NEGR1: variants seen among roughly 807,000 people sequenced by gnomAD.
NEGR1 encodes neuronal growth regulator 1, also known as IgLON family member 4.
NEGR1 carries 10 observed loss-of-function variants against 40.9 expected under a neutral mutation model. The ratio of observed to expected loss-of-function variants is 0.24; its 90% CI spans 0.15 to 0.42. The LOEUF (loss-of-function observed/expected upper bound fraction) is 0.42, where lower values mean the gene tolerates loss of function less well. NEGR1 is among the 10% of genes least tolerant of loss of function. The pLI is 1.00. For synonymous variants in NEGR1, 185 were observed against 166.8 expected, an observed-to-expected ratio of 1.11 and a Z score of -0.84; for missense variants, 352 against 438.9, an observed-to-expected ratio of 0.80 and a Z score of 1.77.
intron 4 of NEGR1, among the ~76,000 whole-genome samples, chr1:71,680,651 C>T (rs1044665295): frequency 1.3e-5 from 2 of 151,964 alleles, no homozygotes; most frequent in Non-Finnish European, 2.9e-5. Context: ...ACCATTTTTC[C>T]TAATGATATA....
intron 2 of NEGR1, among the ~76,000 whole-genome samples, chr1:71,819,872 C>T (rs11209850): frequency 0.033 from 5,064 of 151,972 alleles, 118 homozygotes; most frequent in South Asian, 0.063. Context: ...GTATGCTCCA[C>T]ACGGAAGCCA....
intron 1 of NEGR1, among the ~76,000 whole-genome samples, chr1:72,225,352 T>A (rs1409244335): frequency 6.6e-6 from 1 of 152,132 alleles, no homozygotes; most frequent in South Asian, 2.1e-4. Flanking sequence ...ATATCTTTTA[T>A]AATAAAGTTA....
intron 1 of NEGR1, among the ~76,000 whole-genome samples, chr1:72,072,361 T>C (rs1204812381): frequency 1.3e-5 from 2 of 152,078 alleles, no homozygotes; most frequent in Admixed American, 6.6e-5. Flanking sequence ...CACAGAAACA[T>C]AGGTGATTAA....
chr1:71,857,708 C>A (rs1557679328), intron 2 of NEGR1, among the ~76,000 whole-genome samples: 7 of 149,240 alleles, frequency 4.7e-5, no homozygotes, highest in Admixed American at 3.3e-4. Flanking sequence ...GAAAATGCTT[C>A]ATCAGTAATA....
intron 4 of NEGR1, among the ~76,000 whole-genome samples, chr1:71,661,069 A>G (rs376263059): frequency 4.3e-4 from 65 of 152,182 alleles, no homozygotes; most frequent in African/African-American, 1.4e-3. Context: ...CATGGTGTGT[A>G]TGTGCCACAT....
intron 6 of NEGR1, among the ~76,000 whole-genome samples, chr1:71,428,166 G>A (rs1646441643): frequency 6.6e-6 from 1 of 152,182 alleles, no homozygotes; most frequent in African/African-American, 2.4e-5. Context: ...TGTGTTTATA[G>A]GATAATAAAG....
At position 71,690,722 on chromosome 1, in the gene NEGR1, G is replaced by A. The variant is rs140435025; in HGVS notation, c.667+7286C>T. Among the ~76,000 whole-genome samples the A allele has an allele frequency of 1.1e-4, 17 of 147,838 alleles. No individual in the cohort carries two copies. The East Asian group carries it at 3.1e-3, about 27-fold the overall frequency. On this transcript the variant is annotated intron_variant, in intron 4 of 6. Transcript: ENST00000357731. ...ACTTTGACTTTATCACTTTTCTTCC[G>A]TTTGGCGTGGAGTCATTTTCAACCC...
At chr1:71,427,098 T>G (rs1517763) in intron 6 of NEGR1, among the ~76,000 whole-genome samples, 145,789 of 152,260 alleles carry the variant, frequency 0.96, 70,110 homozygotes, top group East Asian at 1. Context: ...TAAAAATGTC[T>G]GTACCTGTAT....
intron 2 of NEGR1, among the ~76,000 whole-genome samples, chr1:71,925,018 A>G (rs1645758834): frequency 6.6e-6 from 1 of 152,132 alleles, no homozygotes; most frequent in Non-Finnish European, 1.5e-5. Flanking sequence ...TGCATTTATA[A>G]AAACAATAAA....
intron 1 of NEGR1, among the ~76,000 whole-genome samples, chr1:72,271,335 A>G (rs922205188): frequency 6.6e-6 from 1 of 151,892 alleles, no homozygotes; most frequent in Non-Finnish European, 1.5e-5. Context: ...AAGTGAAACA[A>G]TGTACAACAG....
chr1:72,034,165 T>C (rs1298474131), intron 1 of NEGR1, among the ~76,000 whole-genome samples: 1 of 152,176 alleles, frequency 6.6e-6, no homozygotes, highest in African/African-American at 2.4e-5. Context: ...GCTTTTTATA[T>C]AAAATTATCT....
At chr1:71,549,862 C>T (rs555660272) in intron 6 of NEGR1, among the ~76,000 whole-genome samples, 2 of 151,736 alleles carry the variant, frequency 1.3e-5, no homozygotes, top group South Asian at 4.1e-4. Flanking sequence ...AAAGCTCAAG[C>T]TTCTAGTATA....
intron 2 of NEGR1, among the ~76,000 whole-genome samples, chr1:71,831,767 A>G (rs933823795): frequency 6.6e-6 from 1 of 150,648 alleles, no homozygotes; most frequent in Non-Finnish European, 1.5e-5. Flanking sequence ...ATTTCTATAG[A>G]GAGGAAAGAC....
At chr1:71,888,689 G>C (rs1350493616) in intron 2 of NEGR1, among the ~76,000 whole-genome samples, 2 of 105,540 alleles carry the variant, frequency 1.9e-5, no homozygotes, top group Non-Finnish European at 3.9e-5. Flanking sequence ...AAGCAGCCGG[G>C]AAGCTCGAAC....
At chr1:71,584,361 T>C in intron 6 of NEGR1, among the ~76,000 whole-genome samples, 1 of 152,142 alleles carries the variant, frequency 6.6e-6, no homozygotes, top group East Asian at 1.9e-4. Context: ...ATCTGGAACA[T>C]CAGAATGGCC....
rs927161550 is a variant in NEGR1, at chr1:71,403,624, A to G, written c.*3822T>C. The G allele has an allele frequency of 3.5e-6, 1 of 284,764 alleles. No homozygotes were observed. The highest frequency in any genetic ancestry group is 6.5e-6 in the Non-Finnish European group (1 of 153,046). The allele number at this position is 284,764 out of a possible 1,614,324, so 17.6% of individuals were successfully genotyped here. ...CCCTGTACTGCTTTAGAGTAAGCAG[A>G]AAGATGAGTGTAATACAGGAAATAA... On this transcript the variant is annotated 3_prime_UTR_variant, in exon 7 of 7. Coordinates refer to ENST00000357731, the MANE Select transcript of NEGR1 (RefSeq NM_173808.3).
chr1:71,822,947 G>C (rs1473954444), intron 2 of NEGR1, among the ~76,000 whole-genome samples: 1 of 151,998 alleles, frequency 6.6e-6, no homozygotes, highest in Non-Finnish European at 1.5e-5. Context: ...CAGATTGCAG[G>C]CAATAGTCTG....
intron 1 of NEGR1, among the ~76,000 whole-genome samples, chr1:71,986,420 A>C (rs1045205815): frequency 2.6e-5 from 4 of 152,178 alleles, no homozygotes; most frequent in African/African-American, 9.6e-5. Flanking sequence ...TCCTTCTGGC[A>C]TGTCTGGTCT....
At chr1:72,278,636 G>A (rs960294519) in intron 1 of NEGR1, among the ~76,000 whole-genome samples, 4 of 151,814 alleles carry the variant, frequency 2.6e-5, no homozygotes, top group African/African-American at 9.7e-5. Context: ...GAAACACTGG[G>A]TACTGAAGCA....
Sources: gnomAD v4.1 joint callset for allele counts (sites outside exome capture counted in the v4.1 genomes callset) on GRCh38, gnomAD v4.1.1 for gene constraint, MANE v1.5 for transcripts, NCBI Gene and HGNC (gene_info 2026-07-23, HGNC 2026-07-21) for gene names.